The following CLVS1 variants were observed in gnomAD, a reference collection of about 807,000 sequenced individuals.
CLVS1 encodes clavesin-1.
CLVS1 carries 10 observed loss-of-function variants against 33.1 expected under a neutral mutation model. That is an observed-to-expected ratio of 0.30 (90% confidence interval 0.19 to 0.51). The LOEUF (loss-of-function observed/expected upper bound fraction) is 0.51. Among genes scored for constraint, CLVS1 ranks in the 20% least tolerant of loss-of-function variants. The pLI is 0.97. For missense variants in CLVS1, 343 were observed against 433.4 expected, an observed-to-expected ratio of 0.79 and a Z score of 1.85; for synonymous variants, 163 against 166.1, an observed-to-expected ratio of 0.98 and a Z score of 0.14.
intron 3 of CLVS1, among the ~76,000 whole-genome samples, chr8:61,387,281 G>A (rs565705556): frequency 8.4e-4 from 128 of 152,176 alleles, no homozygotes; most frequent in Middle Eastern, 3.4e-3. Context: ...CAGCTACTCT[G>A]GAGGCTGAAA....
Position 61,376,631 on chromosome 8 carries a change from C to G in CLVS1, c.482C>G (p.Ala161Gly). The G allele has an allele frequency of 6.2e-7, 1 of 1,613,950 alleles. No homozygotes were observed. The highest frequency in any genetic ancestry group is 8.5e-7 in the Non-Finnish European group (1 of 1,179,854). The change falls in exon 3 of 6, where the codon GCC becomes GGC. Residue 161 changes from alanine to glycine, a missense_variant. By Grantham distance (60) the Ala-to-Gly change is moderately conservative. Transcript: ENST00000325897. ...AACTCCTTCACAGACATCCTTCGTG[C>G]CATCCTGCTGTCATTGGAAGTCCTA... ...SRNSFTDILR[A>G]ILLSLEVLIE... is the part of the protein sequence containing the mutation.
intron 3 of CLVS1, among the ~76,000 whole-genome samples, chr8:61,388,448 A>G (rs1296729314): frequency 2.0e-5 from 3 of 151,736 alleles, no homozygotes; most frequent in Non-Finnish European, 4.4e-5. Context: ...TTTAGAATTT[A>G]TTAAATAAAT....
At chr8:61,326,968 C>T (rs1228946773) in intron 2 of CLVS1, among the ~76,000 whole-genome samples, 1 of 152,112 alleles carries the variant, frequency 6.6e-6, no homozygotes, top group Non-Finnish European at 1.5e-5. Flanking sequence ...TGTTTCAGTT[C>T]AGCTAAAGGA....
chr8:61,449,665 C>T (rs1037298814), intron 3 of CLVS1, among the ~76,000 whole-genome samples: 8 of 152,016 alleles, frequency 5.3e-5, no homozygotes, highest in Non-Finnish European at 1.2e-4. Flanking sequence ...TTTTTAGTTG[C>T]TTTTTATTGA....
intron 2 of CLVS1, among the ~76,000 whole-genome samples, chr8:61,279,006 T>C (rs1279841950): frequency 6.6e-6 from 1 of 152,216 alleles, no homozygotes; most frequent in Non-Finnish European, 1.5e-5. Context: ...AGATGGCATG[T>C]GGCTGAGAGA....
intron 2 of CLVS1, among the ~76,000 whole-genome samples, chr8:61,347,922 T>G (rs1468291272): frequency 6.6e-6 from 1 of 151,744 alleles, no homozygotes; most frequent in Non-Finnish European, 1.5e-5. Flanking sequence ...TTTCTCCATA[T>G]TCTTTCCATT....
At chr8:61,433,623 C>T (rs1041760088) in intron 3 of CLVS1, among the ~76,000 whole-genome samples, 3 of 152,080 alleles carry the variant, frequency 2.0e-5, no homozygotes, top group South Asian at 2.1e-4. Flanking sequence ...ATACCAGGAG[C>T]GTCTGACTCT....
the CLVS1 span, among the ~76,000 whole-genome samples, chr8:61,043,400 C>A: frequency 1.2e-4 from 19 of 152,178 alleles, no homozygotes; most frequent in Non-Finnish European, 2.2e-4. Flanking sequence ...GAGGTAGTGG[C>A]TTTTATCTTA....
intron 1 of CLVS1, among the ~76,000 whole-genome samples, chr8:61,078,218 G>T (rs769918099): frequency 2.3e-4 from 35 of 152,210 alleles, no homozygotes; most frequent in Non-Finnish European, 5.0e-4. Context: ...TATTTGTTCT[G>T]CATTCTGCAG....
chr8:61,050,041 C>T, the CLVS1 span, among the ~76,000 whole-genome samples: 2 of 152,366 alleles, frequency 1.3e-5, no homozygotes, highest in Non-Finnish European at 2.9e-5. Flanking sequence ...CTGCTGAATG[C>T]GCACTGGACT....
In CLVS1 at chr8:61,173,257, G is replaced by C. The variant is rs530050321; in HGVS notation, c.-152+41397G>C. ...TGGAATATCAACCTATTAATGCTGT[G>C]TTAAAGAAAATGAAGTTAGATTGAA... is the stretch of plus-strand genomic sequence containing the variant. On this transcript the variant is annotated intron_variant, in intron 2 of 2. Transcript: ENST00000522621. Among the ~76,000 whole-genome samples, 12 of 152,312 alleles carry C rather than the reference G, an allele frequency of 7.9e-5. No individual in the cohort carries two copies. In the South Asian group the frequency reaches 2.3e-3, roughly 29 times the overall value.
intron 2 of CLVS1, among the ~76,000 whole-genome samples, chr8:61,187,125 T>C (rs1807358011): frequency 1.0e-5 from 1 of 98,732 alleles, no homozygotes. Context: ...TTCCAAGGCA[T>C]TGCAATATTT....
chr8:61,340,477 T>C lies in CLVS1; in HGVS notation c.456-36128T>C, dbSNP rs79022632. Among the ~76,000 whole-genome samples the C allele has an allele frequency of 5.9e-3, 900 of 152,346 alleles. 7 individuals are homozygous for C. The highest frequency in any genetic ancestry group is 0.021 in the African/African-American group (862 of 41,580). Reference sequence around the variant, plus strand: ...TGTCTGCTTATTTCACTTAATACAATGTCTTCCAGGTTCATCTATGATGTT... The same window carrying C: ...TGTCTGCTTATTTCACTTAATACAACGTCTTCCAGGTTCATCTATGATGTT... On this transcript the variant is annotated intron_variant, in intron 2 of 5. Coordinates refer to ENST00000325897, the MANE Select transcript of CLVS1 (RefSeq NM_173519.3).
chr8:61,150,104 G>T (rs1451933597), intron 2 of CLVS1, among the ~76,000 whole-genome samples: 2 of 150,716 alleles, frequency 1.3e-5, no homozygotes, highest in African/African-American at 4.9e-5. Context: ...TGAGAAAGGT[G>T]TGTGTGTGTG....
At chr8:61,254,404 A>T (rs900295439) in intron 2 of CLVS1, among the ~76,000 whole-genome samples, 1 of 152,184 alleles carries the variant, frequency 6.6e-6, no homozygotes, top group Non-Finnish European at 1.5e-5. Flanking sequence ...CCGTTCTCAT[A>T]TCTCAAGCTG....
intron 2 of CLVS1, among the ~76,000 whole-genome samples, chr8:61,358,559 C>A (rs1242110156): frequency 6.6e-6 from 1 of 152,144 alleles, no homozygotes; most frequent in Non-Finnish European, 1.5e-5. Flanking sequence ...CAGTGGTGAA[C>A]ATGATTATAA....
intron 2 of CLVS1, among the ~76,000 whole-genome samples, chr8:61,187,326 C>G (rs1807362249): frequency 6.6e-6 from 1 of 152,054 alleles, no homozygotes; most frequent in Non-Finnish European, 1.5e-5. Flanking sequence ...TTTTCAGCAA[C>G]CTCATTTCCT....
intron 5 of CLVS1, among the ~76,000 whole-genome samples, chr8:61,477,805 C>G (rs111535330): frequency 0.018 from 2,783 of 152,212 alleles, 77 homozygotes; most frequent in African/African-American, 0.063. Flanking sequence ...TCCTTCATTT[C>G]TGCTCTGATC....
chr8:61,087,657 T>C (rs535936384), intron 1 of CLVS1, among the ~76,000 whole-genome samples: 2 of 152,272 alleles, frequency 1.3e-5, no homozygotes, highest in East Asian at 3.9e-4. Context: ...TTCAGTCAAA[T>C]AAGATGACTG....
Sources: gnomAD v4.1 joint callset for allele counts (sites outside exome capture counted in the v4.1 genomes callset) on GRCh38, gnomAD v4.1.1 for gene constraint, MANE v1.5 for transcripts, NCBI Gene and HGNC (gene_info 2026-07-23, HGNC 2026-07-21) for gene names.